COL11A1: variants seen among roughly 807,000 people sequenced by gnomAD.
The protein encoded by COL11A1 is collagen alpha-1(XI) chain.
In COL11A1, 74 loss-of-function variants were observed where a neutral mutation model predicts 265.2. That is an observed-to-expected ratio of 0.28 (90% CI 0.23 to 0.34). The LOEUF is 0.34. Ranked by LOEUF, COL11A1 falls within the 10% of genes least tolerant of loss-of-function variation. The probability of loss-of-function intolerance (pLI) is 1.00; values close to 1 mark genes in which losing one functional copy is unlikely to be tolerated. For synonymous variants in COL11A1, 816 were observed against 727.6 expected, an observed-to-expected ratio of 1.12 and a Z score of -1.96; for missense variants, 2,165 against 2,263.6, an observed-to-expected ratio of 0.96 and a Z score of 0.88.
intron 1 of COL11A1, among the ~76,000 whole-genome samples, chr1:103,087,104 TA>T (rs1477799969): frequency 6.6e-6 from 1 of 152,206 alleles, no homozygotes; most frequent in African/African-American, 2.4e-5. Context: ...AAATATGATA[TA>T]TGAAAAAAGT....
chr1:102,925,185 T>C lies in COL11A1; in HGVS notation c.3601-1796A>G, dbSNP rs543626407. Among the ~76,000 whole-genome samples the C allele has an allele frequency of 9.2e-5, 14 of 152,180 alleles. No individual in the cohort carries two copies. The South Asian group carries it at 2.9e-3, about 32-fold the overall frequency. ...TTTGACTGTGAGCCACTGTGAAAAA[T>C]GTATTTTACTTAATGCTCCCTAACC... is the stretch of plus-strand genomic sequence containing the variant. On this transcript the variant is annotated intron_variant, in intron 46 of 66. Coordinates refer to ENST00000370096, the MANE Select transcript of COL11A1 (RefSeq NM_001854.4).
chr1:102,940,412 G>A lies in COL11A1; in HGVS notation c.3299C>T (p.Pro1100Leu). The A allele has an allele frequency of 6.2e-7, 1 of 1,613,856 alleles. No individual in the cohort carries two copies. The highest frequency in any genetic ancestry group is 1.1e-5 in the South Asian group (1 of 91,064). Reference sequence around the variant, plus strand: ...ACCTTGAACTCCATCTCTCCCTGCAGGCCCTTGGGGACCTTTTTCTCCCTG... The same window carrying A: ...ACCTTGAACTCCATCTCTCCCTGCAAGCCCTTGGGGACCTTTTTCTCCCTG... ...GAPGEKGPQG[P>L]AGRDGVQGPV... Residue 1100 changes from proline to leucine, a missense_variant, in exon 43 of 67, where the codon CCT becomes CTT. Transcript: ENST00000370096.
intron 41 of COL11A1, among the ~76,000 whole-genome samples, chr1:102,953,018 T>C (rs1230231050): frequency 6.6e-6 from 1 of 152,220 alleles, no homozygotes; most frequent in Non-Finnish European, 1.5e-5. Context: ...ATGAAATGTA[T>C]TATGGCAGGA....
intron 54 of COL11A1, among the ~76,000 whole-genome samples, chr1:102,900,031 A>AC (rs1652989247): frequency 6.6e-6 from 1 of 152,170 alleles, no homozygotes; most frequent in South Asian, 2.1e-4. Context: ...GCAAAATTGC[A>AC]CGTGTACCCC....
At chr1:102,974,747 A>G in intron 36 of COL11A1, 83 bp downstream of exon 36, 5 of 1,009,618 alleles carry the variant, frequency 5.0e-6, no homozygotes, top group Non-Finnish European at 7.7e-6. Flanking sequence ...ATTATATCTA[A>G]CAAATATATA....
At chr1:102,931,242 T>G (rs1454138286) in intron 46 of COL11A1, among the ~76,000 whole-genome samples, 2 of 151,338 alleles carry the variant, frequency 1.3e-5, no homozygotes, top group Admixed American at 1.3e-4. Context: ...TGCTATAAAT[T>G]TCCCTCTACC....
At chr1:103,006,525 C>CTTTT (rs1557935689) in intron 15 of COL11A1, among the ~76,000 whole-genome samples, 7 of 76,264 alleles carry the variant, frequency 9.2e-5, no homozygotes, top group East Asian at 6.8e-4. Flanking sequence ...TAAATGGCTC[C>CTTTT]ATTTTTTTTT....
intron 4 of COL11A1, among the ~76,000 whole-genome samples, chr1:103,064,970 G>A (rs902890266): frequency 6.6e-6 from 1 of 151,972 alleles, no homozygotes; most frequent in African/African-American, 2.4e-5. Flanking sequence ...AATATGGTGA[G>A]TACATGTCAT....
At chr1:103,001,849 G>A in intron 24 of COL11A1, 76 bp downstream of exon 24, 1 of 1,329,466 alleles carries the variant, frequency 7.5e-7, no homozygotes, top group Admixed American at 1.7e-5. Context: ...AAAACAGAAG[G>A]CAGACCTTAT....
chr1:102,943,452 T>TACAC (rs199996712), intron 42 of COL11A1, among the ~76,000 whole-genome samples: 77 of 79,438 alleles, frequency 9.7e-4, no homozygotes, highest in African/African-American at 2.1e-3. Flanking sequence ...CACACACACA[T>TACAC]ACACACACAC....
At chr1:103,077,577 T>G (rs1672075408) in intron 3 of COL11A1, among the ~76,000 whole-genome samples, 2 of 152,038 alleles carry the variant, frequency 1.3e-5, no homozygotes, top group African/African-American at 4.8e-5. Context: ...TTCTCTGTGG[T>G]CCTGACAAAA....
intron 57 of COL11A1, among the ~76,000 whole-genome samples, chr1:102,896,102 C>T (rs898524084): frequency 1.3e-5 from 2 of 151,712 alleles, no homozygotes; most frequent in South Asian, 2.1e-4. Context: ...AACTTAAGAA[C>T]CCCATGGGGT....
intron 1 of COL11A1, among the ~76,000 whole-genome samples, chr1:103,087,033 C>A (rs957544815): frequency 1.3e-5 from 2 of 152,078 alleles, no homozygotes; most frequent in Non-Finnish European, 2.9e-5. Flanking sequence ...TGTGGGAAAG[C>A]TATTCTTTAT....
intron 30 of COL11A1, among the ~76,000 whole-genome samples, chr1:102,985,426 C>A (rs771947400): frequency 6.6e-6 from 1 of 152,012 alleles, no homozygotes; most frequent in Non-Finnish European, 1.5e-5. Flanking sequence ...ATCAAACAAA[C>A]CCTAAGAAGC....
At chr1:103,052,167 T>A (rs1269385778) in intron 4 of COL11A1, among the ~76,000 whole-genome samples, 1 of 152,136 alleles carries the variant, frequency 6.6e-6, no homozygotes, top group Non-Finnish European at 1.5e-5. Flanking sequence ...AAGTACCTTT[T>A]ATTTGAACCA....
At chr1:102,974,571 G>C (rs1662284750) in intron 36 of COL11A1, among the ~76,000 whole-genome samples, 1 of 152,066 alleles carries the variant, frequency 6.6e-6, no homozygotes, top group South Asian at 2.1e-4. Flanking sequence ...CAGTAAAGGA[G>C]CAGCTGAGAG....
intron 4 of COL11A1, 102 bp downstream of exon 4, chr1:103,074,516 A>C: frequency 7.5e-7 from 1 of 1,331,206 alleles, no homozygotes; most frequent in Non-Finnish European, 1.1e-6. Context: ...AGAGTTTTCA[A>C]CTTTGCTTTA....
chr1:103,021,847 TTTC>T (rs1667105719), intron 8 of COL11A1, 78 bp from the exon 9 acceptor site: 16 of 1,119,148 alleles, frequency 1.4e-5, no homozygotes, highest in Non-Finnish European at 1.6e-5. Flanking sequence ...TCTTTTTTTT[TTTC>T]TTTCTTTCTT....
intron 7 of COL11A1, among the ~76,000 whole-genome samples, chr1:103,023,940 GAATA>G (rs1667310989): frequency 6.6e-6 from 1 of 151,892 alleles, no homozygotes. Flanking sequence ...GAAGAGTAAG[GAATA>G]AATATTAATT....
Sources: allele counts gnomAD v4.1 joint callset (sites outside exome capture counted in the v4.1 genomes callset), GRCh38; gene constraint gnomAD v4.1.1; transcripts MANE v1.5; gene names NCBI Gene and HGNC (gene_info 2026-07-23, HGNC 2026-07-21).